SPECC1: variants seen among roughly 807,000 people sequenced by gnomAD.
The protein encoded by SPECC1 is sperm antigen with calponin homology and coiled-coil domains 1.
A neutral mutation model predicts 104.1 loss-of-function variants in SPECC1; 62 were observed. The observed-to-expected ratio is 0.60, with a 90% CI of 0.49 to 0.74. SPECC1 has a LOEUF of 0.74. Ranked by LOEUF, SPECC1 falls within the 30% of genes least tolerant of loss-of-function variation. The pLI, the probability that SPECC1 is intolerant of heterozygous loss-of-function variation, is 0.00. For missense variants in SPECC1, 1,306 were observed against 1,310.5 expected, an observed-to-expected ratio of 1.00 and a Z score of 0.05; for synonymous variants, 513 against 501.6, an observed-to-expected ratio of 1.02 and a Z score of -0.30.
intron 3 of SPECC1, among the ~76,000 whole-genome samples, chr17:20,195,560 AT>A (rs35368324): frequency 0.68 from 96,047 of 140,270 alleles, 33,767 homozygotes; most frequent in East Asian, 0.97. Flanking sequence ...ATAAAACCCA[AT>A]TTTTTTTTTT....
At chr17:20,255,287 A>C (rs1187372507) in intron 10 of SPECC1, among the ~76,000 whole-genome samples, 1 of 152,134 alleles carries the variant, frequency 6.6e-6, no homozygotes, top group East Asian at 1.9e-4. Flanking sequence ...ACCAGGCCTG[A>C]GTGTCCCATA....
intron 3 of SPECC1, among the ~76,000 whole-genome samples, chr17:20,154,779 G>A (rs1288155638): frequency 6.6e-6 from 1 of 152,194 alleles, no homozygotes; most frequent in African/African-American, 2.4e-5. Flanking sequence ...GGCAGGAGAT[G>A]ACAGCGGCTT....
chr17:20,151,217 T>G (rs1379868775), intron 3 of SPECC1, among the ~76,000 whole-genome samples: 2 of 152,210 alleles, frequency 1.3e-5, no homozygotes, highest in Admixed American at 1.3e-4. Context: ...ACAAAAGCTA[T>G]ACTGTACTTC....
At chr17:20,277,922 A>G (rs1240341514) in intron 12 of SPECC1, among the ~76,000 whole-genome samples, 1 of 152,124 alleles carries the variant, frequency 6.6e-6, no homozygotes, top group African/African-American at 2.4e-5. Context: ...TTCTGCATCC[A>G]TCTGTCCACC....
intron 12 of SPECC1, among the ~76,000 whole-genome samples, chr17:20,261,515 A>G (rs992410543): frequency 5.3e-5 from 8 of 151,084 alleles, no homozygotes; most frequent in Non-Finnish European, 7.4e-5. Context: ...AAAAAAAAAA[A>G]AAAAAAAGCA....
At chr17:20,054,668 C>A (rs2045894468) in intron 1 of SPECC1, among the ~76,000 whole-genome samples, 1 of 151,890 alleles carries the variant, frequency 6.6e-6, no homozygotes, top group Non-Finnish European at 1.5e-5. Flanking sequence ...GTTTGATATT[C>A]TTTTTCTTTT....
At chr17:20,295,413 C>G (rs1394488159) in intron 12 of SPECC1, among the ~76,000 whole-genome samples, 1 of 152,114 alleles carries the variant, frequency 6.6e-6, no homozygotes, top group African/African-American at 2.4e-5. Context: ...TTAATCCAGT[C>G]TATCATTGAT....
rs2036724839 is a variant in SPECC1, at chr17:20,205,621, A to G, written c.1572A>G (p.Glu524=). The G allele has an allele frequency of 6.2e-7, 1 of 1,614,210 alleles. No homozygotes were observed. The highest frequency in any genetic ancestry group is 1.3e-5 in the African/African-American group (1 of 75,066). ...EENEKLNEFL[E]LERHNNNMMA... is the part of the protein sequence containing the mutation. ...ATGAAAAACTGAATGAGTTTCTAGAACTGGAACGGCATAATAATAACATGA... is the reference window on the plus strand; with the variant it reads ...ATGAAAAACTGAATGAGTTTCTAGAGCTGGAACGGCATAATAATAACATGA... The change falls in exon 4 of 15, where the codon GAA becomes GAG. Residue 524 remains glutamate, a synonymous_variant. Coordinates refer to ENST00000395527, the MANE Select transcript of SPECC1 (RefSeq NM_001243439.2).
At chr17:20,193,531 T>C (rs1309791494) in intron 3 of SPECC1, among the ~76,000 whole-genome samples, 1 of 152,166 alleles carries the variant, frequency 6.6e-6, no homozygotes, top group East Asian at 1.9e-4. Flanking sequence ...CCTGCCTGAC[T>C]ATTAGGGTCT....
chr17:20,015,679 G>T (rs1839629787), intron 1 of SPECC1, among the ~76,000 whole-genome samples: 1 of 144,480 alleles, frequency 6.9e-6, no homozygotes, highest in Non-Finnish European at 1.5e-5. Flanking sequence ...CTGCCTCCCA[G>T]GTTCACGCCA....
chr17:20,023,693 A>G (rs1484312896), intron 1 of SPECC1, among the ~76,000 whole-genome samples: 3 of 152,228 alleles, frequency 2.0e-5, no homozygotes, highest in African/African-American at 7.2e-5. Flanking sequence ...TTCTGTGCTG[A>G]TAGCAGGAAT....
intron 3 of SPECC1, among the ~76,000 whole-genome samples, chr17:20,128,179 C>T (rs918485579): frequency 6.6e-6 from 1 of 152,192 alleles, no homozygotes; most frequent in Non-Finnish European, 1.5e-5. Context: ...TTGAATGCTA[C>T]AAATGAGACT....
intron 12 of SPECC1, among the ~76,000 whole-genome samples, chr17:20,289,153 T>C (rs2041068906): frequency 6.6e-6 from 1 of 152,180 alleles, no homozygotes; most frequent in African/African-American, 2.4e-5. Flanking sequence ...AAACCCCTGA[T>C]AAACTCATGA....
chr17:20,109,403 C>T (rs1270909240), intron 2 of SPECC1, among the ~76,000 whole-genome samples: 1 of 152,234 alleles, frequency 6.6e-6, no homozygotes, highest in Non-Finnish European at 1.5e-5. Flanking sequence ...AGCCTTCTTT[C>T]ATGAAGACCC....
At chr17:20,115,141 GA>G (rs1001321955) in intron 3 of SPECC1, among the ~76,000 whole-genome samples, 1 of 149,896 alleles carries the variant, frequency 6.7e-6, no homozygotes, top group Non-Finnish European at 1.5e-5. Flanking sequence ...TGTGGAAAAG[GA>G]AAAAAAAAGA....
chr17:20,311,421 G>T (rs2041931607), intron 14 of SPECC1, among the ~76,000 whole-genome samples: 1 of 149,802 alleles, frequency 6.7e-6, no homozygotes, highest in Admixed American at 6.7e-5. Flanking sequence ...ATGGAGTCTT[G>T]CTCTGTCACC....
chr17:20,143,667 T>C (rs1010488049), intron 3 of SPECC1, among the ~76,000 whole-genome samples: 3 of 150,800 alleles, frequency 2.0e-5, no homozygotes, highest in African/African-American at 7.3e-5. Flanking sequence ...AGACTCTGTC[T>C]CAAAAAAAAA....
At chr17:20,274,868 T>TG (rs1331301782) in intron 12 of SPECC1, among the ~76,000 whole-genome samples, 1 of 150,902 alleles carries the variant, frequency 6.6e-6, no homozygotes, top group African/African-American at 2.5e-5. Flanking sequence ...ATGCTATTGA[T>TG]GGTGGATATT....
chr17:20,270,236 A>G (rs1252413073), intron 12 of SPECC1, among the ~76,000 whole-genome samples: 3 of 152,022 alleles, frequency 2.0e-5, no homozygotes, highest in Non-Finnish European at 4.4e-5. Context: ...CCACTGAACT[A>G]TACACTTTAA....
Sources: gnomAD v4.1 joint callset for allele counts (sites outside exome capture counted in the v4.1 genomes callset) on GRCh38, gnomAD v4.1.1 for gene constraint, MANE v1.5 for transcripts, NCBI Gene and HGNC (gene_info 2026-07-23, HGNC 2026-07-21) for gene names.